The following SV2B variants were observed in gnomAD, a reference collection of about 807,000 sequenced individuals.
The protein encoded by SV2B is solute carrier family 22 member B2.
In SV2B, 41 loss-of-function variants were observed where a neutral mutation model predicts 73.9. The ratio of observed to expected loss-of-function variants is 0.56; its 90% CI spans 0.43 to 0.72. The LOEUF is 0.72. Ranked by LOEUF, SV2B falls within the 30% of genes least tolerant of loss-of-function variation. SV2B has a pLI of 0.00. For missense variants in SV2B, 764 were observed against 857.8 expected (o/e 0.89, Z 1.37); for synonymous variants, 314 against 314.2 (o/e 1.00, Z 0.01).
At chr15:91,188,497 A>G (rs1031530503) in intron 1 of SV2B, among the ~76,000 whole-genome samples, 11 of 151,860 alleles carry the variant, frequency 7.2e-5, no homozygotes, top group African/African-American at 2.4e-4. Context: ...TTGTATTTTT[A>G]GTAGAGACGG....
At chr15:91,178,618 T>C (rs935423544) in intron 1 of SV2B, among the ~76,000 whole-genome samples, 2 of 152,162 alleles carry the variant, frequency 1.3e-5, no homozygotes, top group African/African-American at 4.8e-5. Context: ...GATTTAGTCT[T>C]GGGAGAGTGT....
chr15:91,208,823 C>A (rs554670997), intron 1 of SV2B, among the ~76,000 whole-genome samples: 1 of 152,194 alleles, frequency 6.6e-6, no homozygotes, highest in Non-Finnish European at 1.5e-5. Flanking sequence ...TTCTTCTGCT[C>A]CATTCAGGAC....
chr15:91,182,387 G>T (rs1048471502), intron 1 of SV2B, among the ~76,000 whole-genome samples: 1 of 152,176 alleles, frequency 6.6e-6, no homozygotes, highest in Non-Finnish European at 1.5e-5. Flanking sequence ...TTGAATGCAC[G>T]CATGCATGAA....
rs1049110837 is a variant in SV2B at position 91,236,531 on chromosome 15, A to G, written c.451+9817A>G. Among the ~76,000 whole-genome samples the G allele has an allele frequency of 1.3e-5, 2 of 152,226 alleles. No homozygotes were observed. The highest frequency in any genetic ancestry group is 2.9e-5 in the Non-Finnish European group (2 of 68,030). On this transcript the variant is annotated intron_variant, in intron 2 of 12. Coordinates refer to ENST00000394232, the MANE Select transcript of SV2B (RefSeq NM_001323032.3). The surrounding 1 kb of genome is among the most constrained non-coding windows in gnomAD (Gnocchi z 4.1). ...AGAGTTGGGAGTGGGCTGGAAATAT[A>G]TAAAACTCATTCCCTGTACAAGTAT...
intron 1 of SV2B, among the ~76,000 whole-genome samples, chr15:91,117,546 C>T (rs746403142): frequency 2.6e-5 from 4 of 152,214 alleles, no homozygotes; most frequent in Non-Finnish European, 5.9e-5. Flanking sequence ...CCAGGCATCT[C>T]TCATCTCTCC....
At chr15:91,205,581 G>T (rs1259022595) in intron 1 of SV2B, among the ~76,000 whole-genome samples, 1 of 151,992 alleles carries the variant, frequency 6.6e-6, no homozygotes, top group Non-Finnish European at 1.5e-5. Context: ...GGCCAGACTG[G>T]TCTCGAACTC....
In SV2B at chr15:91,222,808, C is replaced by T. The variant is rs544505924; in HGVS notation, c.-391-3065C>T. Among the ~76,000 whole-genome samples the T allele has an allele frequency of 6.6e-5, 10 of 152,264 alleles. No individual in the cohort carries two copies. In the South Asian group the frequency reaches 2.1e-3, roughly 32 times the overall value. On this transcript the variant is annotated intron_variant, in intron 1 of 12. Transcript: ENST00000394232. Reference sequence around the variant, plus strand: ...AACGGAGAGAACAATCTTGTTTTACCATTGGCTGTAAGAATAAATGAGGTA... The same window carrying T: ...AACGGAGAGAACAATCTTGTTTTACTATTGGCTGTAAGAATAAATGAGGTA...
intron 1 of SV2B, among the ~76,000 whole-genome samples, chr15:91,126,425 C>G (rs748163139): frequency 4.6e-5 from 7 of 152,174 alleles, no homozygotes; most frequent in Non-Finnish European, 8.8e-5. Context: ...GTTGATATAT[C>G]CATCTGGAGA....
rs2042688152 is a variant in SV2B at position 91,132,561 on chromosome 15, A to T, written c.-392+32198A>T. Among the ~76,000 whole-genome samples, 2 of 152,232 alleles carry T rather than the reference A, an allele frequency of 1.3e-5. No homozygotes were observed. Among genetic ancestry groups the T allele is most frequent in the South Asian group, 4.1e-4 (2 of 4,830 alleles). Reference sequence around the variant, plus strand: ...ACAGCCAATTTTCCATCTGCTCTGCAGAAAAGGTCAAAGGGACCAGTAGCC... The same window carrying T: ...ACAGCCAATTTTCCATCTGCTCTGCTGAAAAGGTCAAAGGGACCAGTAGCC... On this transcript the variant is annotated intron_variant, in intron 1 of 12. Coordinates refer to ENST00000394232, the MANE Select transcript of SV2B (RefSeq NM_001323032.3). The surrounding 1 kb of genome is among the most constrained non-coding windows in gnomAD (Gnocchi z 4.6).
intron 1 of SV2B, among the ~76,000 whole-genome samples, chr15:91,152,148 G>C (rs185132971): frequency 6.6e-6 from 1 of 150,460 alleles, no homozygotes; most frequent in Admixed American, 6.6e-5. Flanking sequence ...CTTCCACAGT[G>C]TGGAAGGGGA....
chr15:91,115,172 A>G lies in SV2B; in HGVS notation c.-392+14809A>G, dbSNP rs1397958513. Among the ~76,000 whole-genome samples the G allele has an allele frequency of 6.6e-6, 1 of 152,240 alleles. No homozygotes were observed. The highest frequency in any genetic ancestry group is 1.5e-5 in the Non-Finnish European group (1 of 68,044). On this transcript the variant is annotated intron_variant, in intron 1 of 12. Transcript: ENST00000394232. The surrounding 1 kb of genome is among the most constrained non-coding windows in gnomAD (Gnocchi z 4.3). Reference sequence around the variant, plus strand: ...CGCTGAGCTGGCTTCTCTTGCTGAAATAAAGATTACAAAGTGCTACCTTTA... The same window carrying G: ...CGCTGAGCTGGCTTCTCTTGCTGAAGTAAAGATTACAAAGTGCTACCTTTA...
intron 1 of SV2B, among the ~76,000 whole-genome samples, chr15:91,172,403 G>C (rs2044153709): frequency 6.6e-6 from 1 of 152,246 alleles, no homozygotes; most frequent in Admixed American, 6.5e-5. Context: ...GGCCTACTGA[G>C]ATACAGAAGA....
intron 4 of SV2B, among the ~76,000 whole-genome samples, chr15:91,256,817 G>A (rs1325570202): frequency 6.6e-6 from 1 of 152,168 alleles, no homozygotes; most frequent in African/African-American, 2.4e-5. Context: ...TACAAATAGT[G>A]TAGAAAATGT....
chr15:91,272,342 C>T (rs1242150752), intron 9 of SV2B, among the ~76,000 whole-genome samples: 1 of 152,182 alleles, frequency 6.6e-6, no homozygotes, highest in Non-Finnish European at 1.5e-5. Context: ...AATTAACAAA[C>T]TTACCTTCTC....
Position 91,176,518 on chromosome 15 carries a change from G to A in SV2B, c.-391-49355G>A, listed in dbSNP as rs564145061. On this transcript the variant is annotated intron_variant, in intron 1 of 12. Coordinates refer to ENST00000394232, the MANE Select transcript of SV2B (RefSeq NM_001323032.3). ...TTACAGTCCCACCAACAGTGTAAAA[G>A]TGTTCCTATTTCTCCACATCCTCTC... Among the ~76,000 whole-genome samples the A allele has an allele frequency of 3.3e-5, 5 of 152,254 alleles. No homozygotes were observed. The South Asian group carries it at 1.0e-3, about 32-fold the overall frequency.
chr15:91,166,048 T>TC (rs2043900415), intron 1 of SV2B, among the ~76,000 whole-genome samples: 2 of 152,218 alleles, frequency 1.3e-5, no homozygotes, highest in Non-Finnish European at 2.9e-5. Context: ...TTTTCTGGCT[T>TC]CCATGATTTC....
chr15:91,209,114 G>GTTTTTTTTTTTTTTTTTTT (rs903531189), intron 1 of SV2B, among the ~76,000 whole-genome samples: 1 of 90,022 alleles, frequency 1.1e-5, no homozygotes. Context: ...ACTGTTTTTT[G>GTTTTTTTTTTTTTTTTTTT]TTTTTTTTTT....
intron 1 of SV2B, among the ~76,000 whole-genome samples, chr15:91,200,697 C>G (rs931251426): frequency 3.9e-5 from 6 of 152,082 alleles, no homozygotes; most frequent in African/African-American, 1.4e-4. Context: ...CCGCTTGAGT[C>G]CAGGAGTTTG....
intron 1 of SV2B, among the ~76,000 whole-genome samples, chr15:91,194,127 G>A (rs1056441551): frequency 3.3e-5 from 5 of 151,960 alleles, no homozygotes; most frequent in African/African-American, 1.2e-4. Context: ...GGGCAGCTGT[G>A]ATTAGTGTCC....
Sources: gnomAD v4.1 joint callset for allele counts (sites outside exome capture counted in the v4.1 genomes callset) on GRCh38, gnomAD v4.1.1 for gene constraint, Gnocchi (gnomAD v3.1) non-coding constraint, MANE v1.5 for transcripts, NCBI Gene and HGNC (gene_info 2026-07-23, HGNC 2026-07-21) for gene names.